Variants in PARD3B observed in about 807,000 individuals in gnomAD.
PARD3B encodes the protein par-3 family cell polarity regulator beta.
A neutral mutation model predicts 130.2 loss-of-function variants in PARD3B; 103 were observed. The observed-to-expected ratio is 0.79, with a 90% confidence interval of 0.67 to 0.93. PARD3B has a LOEUF of 0.93. Among genes scored for constraint, PARD3B ranks in the 40% least tolerant of loss-of-function variants. PARD3B has a pLI of 0.00. For missense variants in PARD3B, 1,609 were observed against 1,499.2 expected (o/e 1.07, Z -1.21); for synonymous variants, 583 against 553.2 (o/e 1.05, Z -0.76).
chr2:205,126,482 G>T (rs889870634), intron 10 of PARD3B, among the ~76,000 whole-genome samples: 1 of 151,992 alleles, frequency 6.6e-6, no homozygotes. Flanking sequence ...GTAAAAAATT[G>T]ATAATACCCA....
chr2:204,923,829 CA>C (rs1320394576), intron 2 of PARD3B, among the ~76,000 whole-genome samples: 1 of 151,956 alleles, frequency 6.6e-6, no homozygotes, highest in Non-Finnish European at 1.5e-5. Context: ...TTTTTATACA[CA>C]GAGGTGATTG....
chr2:204,928,930 C>T (rs1247604300), intron 2 of PARD3B, among the ~76,000 whole-genome samples: 2 of 152,062 alleles, frequency 1.3e-5, no homozygotes, highest in African/African-American at 4.8e-5. Flanking sequence ...TGAAAATACT[C>T]CACTTTGGAA....
intron 3 of PARD3B, among the ~76,000 whole-genome samples, chr2:204,968,925 T>C (rs1294963352): frequency 1.3e-5 from 2 of 152,240 alleles, no homozygotes; most frequent in Admixed American, 6.5e-5. Flanking sequence ...CCAACCTCAT[T>C]CATCTAAATT....
At chr2:204,632,987 G>A (rs1417020517) in intron 1 of PARD3B, among the ~76,000 whole-genome samples, 4 of 152,188 alleles carry the variant, frequency 2.6e-5, no homozygotes, top group African/African-American at 9.7e-5. Context: ...TGTGCTGATG[G>A]AGTCTTAGAC....
intron 2 of PARD3B, among the ~76,000 whole-genome samples, chr2:204,747,441 C>G (rs971152026): frequency 6.6e-6 from 1 of 152,148 alleles, no homozygotes; most frequent in South Asian, 2.1e-4. Flanking sequence ...AGGACACAAA[C>G]AAATGGAAGA....
At chr2:205,319,630 G>A (rs1574687834) in intron 18 of PARD3B, among the ~76,000 whole-genome samples, 1 of 152,190 alleles carries the variant, frequency 6.6e-6, no homozygotes, top group African/African-American at 2.4e-5. Flanking sequence ...TGGTTAGTGG[G>A]ACTCTATCTA....
chr2:205,307,010 G>A (rs1170293368), intron 18 of PARD3B, among the ~76,000 whole-genome samples: 1 of 152,146 alleles, frequency 6.6e-6, no homozygotes. Flanking sequence ...CTGAAGATAG[G>A]GTATTGGGAT....
chr2:205,615,140 T>C (rs2055377528), intron 22 of PARD3B, among the ~76,000 whole-genome samples: 1 of 152,210 alleles, frequency 6.6e-6, no homozygotes. Context: ...CCAATGTGAA[T>C]GGAAGCAATC....
chr2:204,729,835 A>T (rs13393412), intron 2 of PARD3B, among the ~76,000 whole-genome samples: 7,595 of 152,124 alleles, frequency 0.05, 278 homozygotes, highest in African/African-American at 0.09. Context: ...TTAAAAAAAA[A>T]TTTTTTGTTT....
chr2:205,109,342 G>A (rs187615726), intron 5 of PARD3B, among the ~76,000 whole-genome samples: 86 of 152,268 alleles, frequency 5.6e-4, no homozygotes, highest in Non-Finnish European at 9.3e-4. Flanking sequence ...CTAACACTCA[G>A]CCATGTGCTG....
chr2:205,517,024 A>G (rs1341543100), intron 21 of PARD3B, among the ~76,000 whole-genome samples: 2 of 152,130 alleles, frequency 1.3e-5, no homozygotes, highest in South Asian at 2.1e-4. Context: ...TGAGATAATC[A>G]TGTGGTTTTT....
At chr2:205,262,311 T>A (rs992867837) in intron 16 of PARD3B, among the ~76,000 whole-genome samples, 1 of 152,164 alleles carries the variant, frequency 6.6e-6, no homozygotes, top group East Asian at 1.9e-4. Context: ...GATGATGTAC[T>A]AGTTGTGTAT....
rs1322457127 is a variant in PARD3B at position 204,943,717 on chromosome 2, G to A, written c.223-21435G>A. Reference sequence around the variant, plus strand: ...GCATAAGAAAGGCTGGTTTTGGCAAGCAGAGGACAAATCCATCCTCTCTTC... The same window carrying A: ...GCATAAGAAAGGCTGGTTTTGGCAAACAGAGGACAAATCCATCCTCTCTTC... On this transcript the variant is annotated intron_variant, in intron 2 of 22. Coordinates refer to ENST00000406610, the MANE Select transcript of PARD3B (RefSeq NM_001302769.2). This position sits in a 1 kb window ranked among gnomAD's most constrained non-coding sequence, Gnocchi z 4.2. 6.6e-6 allele frequency among the ~76,000 whole-genome samples: 1 copy of A among 152,148 alleles called. No individual in the cohort carries two copies. Among genetic ancestry groups the A allele is most frequent in the Non-Finnish European group, 1.5e-5 (1 of 68,034 alleles).
At chr2:204,802,434 G>T (rs960803694) in intron 2 of PARD3B, among the ~76,000 whole-genome samples, 2 of 152,108 alleles carry the variant, frequency 1.3e-5, no homozygotes, top group African/African-American at 4.8e-5. Flanking sequence ...ACAGTGTGGC[G>T]ATTCCTCAAG....
At chr2:204,652,981 C>G (rs960131944) in intron 1 of PARD3B, among the ~76,000 whole-genome samples, 1 of 151,004 alleles carries the variant, frequency 6.6e-6, no homozygotes, top group Non-Finnish European at 1.5e-5. Flanking sequence ...TATTCAATCA[C>G]CTCCCACCAG....
Position 205,121,914 on chromosome 2 carries a change from A to G in PARD3B, c.1130A>G (p.Lys377Arg). 1 of 1,612,542 alleles carries G rather than the reference A, an allele frequency of 6.2e-7. No homozygotes were observed. The highest frequency in any genetic ancestry group is 8.5e-7 in the Non-Finnish European group (1 of 1,179,396). Residue 377 changes from lysine (K) to arginine (R), a missense_variant, in exon 8 of 23, where the codon AAA (lysine) becomes AGA (arginine). By Grantham distance (26) the Lys-to-Arg change is conservative. Transcript: ENST00000406610. The surrounding 1 kb of genome is among the most constrained non-coding windows in gnomAD (Gnocchi z 5.0). ...LSPLMGFGSN[K>R]NAKKIKIDLK... ...CCTCTCATGGGATTTGGCAGCAATA[A>G]AAATGCAAAGAAAATTAAGATTGAC...
chr2:204,966,631 G>A (rs774337886), intron 3 of PARD3B, among the ~76,000 whole-genome samples: 3 of 152,054 alleles, frequency 2.0e-5, no homozygotes, highest in Admixed American at 6.6e-5. Flanking sequence ...CTTCTGTGCC[G>A]GAGAATTTGT....
At chr2:204,705,154 A>G (rs2038078558) in intron 2 of PARD3B, among the ~76,000 whole-genome samples, 1 of 152,212 alleles carries the variant, frequency 6.6e-6, no homozygotes, top group African/African-American at 2.4e-5. Context: ...ATTTTCAGTG[A>G]TGAGCATGGC....
intron 21 of PARD3B, among the ~76,000 whole-genome samples, chr2:205,543,759 G>A (rs991510375): frequency 6.6e-6 from 1 of 152,186 alleles, no homozygotes; most frequent in South Asian, 2.1e-4. Context: ...GAGTGTTCTA[G>A]AGAGTCCTTT....
Sources: allele counts gnomAD v4.1 joint callset (sites outside exome capture counted in the v4.1 genomes callset), GRCh38; gene constraint gnomAD v4.1.1; non-coding constraint Gnocchi (gnomAD v3.1); transcripts MANE v1.5; gene names NCBI Gene and HGNC (gene_info 2026-07-23, HGNC 2026-07-21).